The following MCC variants were observed in gnomAD, a reference collection of about 807,000 sequenced individuals.
The protein encoded by MCC is MCC regulator of Wnt signaling pathway.
MCC carries 90 observed loss-of-function variants against 116.2 expected under a neutral mutation model. The ratio of observed to expected loss-of-function variants is 0.77; its 90% confidence interval spans 0.65 to 0.92. MCC has a LOEUF of 0.92. Ranked by LOEUF, MCC falls within the 40% of genes least tolerant of loss-of-function variation. The probability of loss-of-function intolerance (pLI) is 0.00; values close to 1 mark genes in which losing one functional copy is unlikely to be tolerated. For synonymous variants in MCC, 578 were observed against 510.5 expected (o/e 1.13, Z -1.78); for missense variants, 1,516 against 1,312.2 (o/e 1.16, Z -2.40).
At chr5:113,220,782 C>A (rs1384931282) in intron 3 of MCC, among the ~76,000 whole-genome samples, 1 of 152,206 alleles carries the variant, frequency 6.6e-6, no homozygotes, top group Non-Finnish European at 1.5e-5. Context: ...GAAATTTTTA[C>A]ATTTCCCTCT....
chr5:113,055,020 A>G (rs1752737700), intron 14 of MCC, among the ~76,000 whole-genome samples: 1 of 152,054 alleles, frequency 6.6e-6, no homozygotes, highest in Non-Finnish European at 1.5e-5. Flanking sequence ...CCTAGGGGTG[A>G]CTCGCCCCTC....
At chr5:113,369,526 G>T (rs1294295602) in intron 2 of MCC, among the ~76,000 whole-genome samples, 2 of 151,810 alleles carry the variant, frequency 1.3e-5, no homozygotes, top group Admixed American at 6.6e-5. Context: ...TAGATTTTTT[G>T]AGTGTTCTCT....
chr5:113,075,074 T>C (rs1374602922), intron 11 of MCC, among the ~76,000 whole-genome samples: 1 of 152,090 alleles, frequency 6.6e-6, no homozygotes, highest in Non-Finnish European at 1.5e-5. Flanking sequence ...TGCGTGGCAC[T>C]CGTGGGCCAG....
At chr5:113,129,619 G>A (rs549847431) in intron 5 of MCC, among the ~76,000 whole-genome samples, 3 of 152,166 alleles carry the variant, frequency 2.0e-5, no homozygotes, top group African/African-American at 7.2e-5. Context: ...GCCGTCTTAT[G>A]TCTCTTCTTA....
At chr5:113,063,601 G>C (rs1033317538) in intron 14 of MCC, among the ~76,000 whole-genome samples, 8 of 152,314 alleles carry the variant, frequency 5.3e-5, no homozygotes, top group Middle Eastern at 6.8e-3. Flanking sequence ...TGGGACCAGA[G>C]GGACCATTTG....
Position 113,024,331 on chromosome 5 carries a change from C to T in MCC, c.*2971G>A, listed in dbSNP as rs761059777. The stretch of plus-strand genomic sequence containing the variant: ...AGTTTCAATAAGGAATCATACTGTT[C>T]CCCAGTCCATGACAGATTTTTGTAG... On this transcript the variant is annotated 3_prime_UTR_variant, in exon 19 of 19. Transcript: ENST00000408903. The T allele has an allele frequency of 9.2e-5, 14 of 152,230 alleles. No individual in the cohort carries two copies. The highest frequency in any genetic ancestry group is 1.6e-4 in the Non-Finnish European group (11 of 68,020). 9.4% of individuals were successfully genotyped at this position (152,230 alleles called of 1,614,324 possible). A position where few individuals can be genotyped will look rare whatever the true frequency, so the allele number is the denominator to read the frequency against.
chr5:113,143,952 T>C (rs1759342173), intron 4 of MCC, among the ~76,000 whole-genome samples: 2 of 152,234 alleles, frequency 1.3e-5, no homozygotes, highest in African/African-American at 2.4e-5. Flanking sequence ...GGATGGATTA[T>C]CTGCAAATTT....
chr5:113,115,090 C>A (rs1757320485), intron 6 of MCC, among the ~76,000 whole-genome samples: 1 of 152,170 alleles, frequency 6.6e-6, no homozygotes, highest in Non-Finnish European at 1.5e-5. Flanking sequence ...TTGGGGGTCA[C>A]AGATCCTCCC....
At chr5:113,034,495 G>A (rs972671906) in intron 17 of MCC, among the ~76,000 whole-genome samples, 1 of 152,204 alleles carries the variant, frequency 6.6e-6, no homozygotes, top group South Asian at 2.1e-4. Context: ...AGGAGTCATC[G>A]GGCGAGAGCC....
chr5:113,100,938 T>C (rs1465494643), intron 8 of MCC, among the ~76,000 whole-genome samples: 1 of 152,204 alleles, frequency 6.6e-6, no homozygotes, highest in East Asian at 1.9e-4. Context: ...AATTCATTGC[T>C]TCACCCCCAG....
chr5:113,339,212 G>C (rs1214400829), intron 3 of MCC, among the ~76,000 whole-genome samples: 3 of 148,252 alleles, frequency 2.0e-5, no homozygotes, highest in Non-Finnish European at 4.5e-5. Context: ...GGCAACAAGA[G>C]CGAAACTCCA....
intron 8 of MCC, among the ~76,000 whole-genome samples, chr5:113,097,912 TGA>T (rs1756129169): frequency 6.6e-6 from 1 of 152,144 alleles, no homozygotes; most frequent in Non-Finnish European, 1.5e-5. Flanking sequence ...ACCCCCAGGA[TGA>T]GAGAGGCCCA....
chr5:113,062,687 A>T (rs1052559905), intron 14 of MCC, among the ~76,000 whole-genome samples: 11 of 152,266 alleles, frequency 7.2e-5, no homozygotes, highest in Non-Finnish European at 1.3e-4. Context: ...AAAAAATTAT[A>T]ATCTGTGCTT....
At chr5:113,034,974 C>T (rs2150209790) in intron 17 of MCC, among the ~76,000 whole-genome samples, 1 of 152,320 alleles carries the variant, frequency 6.6e-6, no homozygotes, top group East Asian at 1.9e-4. Context: ...TTATCTTATC[C>T]TTTTCTCTAA....
chr5:113,455,378 C>A (rs1465472542), intron 1 of MCC, among the ~76,000 whole-genome samples: 2 of 152,128 alleles, frequency 1.3e-5, no homozygotes, highest in Non-Finnish European at 2.9e-5. Flanking sequence ...TGCACTCCCC[C>A]CCACCATCAC....
rs547221714 is a variant in MCC at position 113,081,330 on chromosome 5, C to G, written c.1784+1530G>C. Among the ~76,000 whole-genome samples the G allele has an allele frequency of 2.0e-5, 3 of 152,280 alleles. No individual in the cohort carries two copies. In the South Asian group the frequency reaches 6.2e-4, roughly 32 times the overall value. The stretch of plus-strand genomic sequence containing the variant: ...AGTCACTCAACTTGGGACTTCAAAG[C>G]CTTTGTTTTCTCATTTGCAAAACAG... On this transcript the variant is annotated intron_variant, in intron 11 of 18. Transcript: ENST00000408903.
chr5:113,197,348 G>A (rs1762463665), intron 3 of MCC, among the ~76,000 whole-genome samples: 1 of 152,130 alleles, frequency 6.6e-6, no homozygotes, highest in Non-Finnish European at 1.5e-5. Flanking sequence ...TAGGTAGGTA[G>A]CGGGGAAAGA....
chr5:113,302,807 A>G (rs184737944), intron 3 of MCC, among the ~76,000 whole-genome samples: 1 of 152,334 alleles, frequency 6.6e-6, no homozygotes, highest in Admixed American at 6.5e-5. Flanking sequence ...CAACAAGTTA[A>G]ATCAAGATAA....
At chr5:113,337,326 C>A (rs151125194) in intron 3 of MCC, among the ~76,000 whole-genome samples, 5 of 152,296 alleles carry the variant, frequency 3.3e-5, no homozygotes, top group Non-Finnish European at 7.4e-5. Flanking sequence ...TGCAGATGCC[C>A]CAATGGGTGG....
Sources: gnomAD v4.1 joint callset for allele counts (sites outside exome capture counted in the v4.1 genomes callset) on GRCh38, gnomAD v4.1.1 for gene constraint, MANE v1.5 for transcripts, NCBI Gene and HGNC (gene_info 2026-07-23, HGNC 2026-07-21) for gene names.